PCDHA6: variants seen among roughly 807,000 people sequenced by gnomAD.
PCDHA6 encodes the protein protocadherin alpha-6.
In PCDHA6, 55 loss-of-function variants were observed where a neutral mutation model predicts 60.3. The observed-to-expected ratio is 0.91, with a 90% CI of 0.73 to 1.14. The LOEUF is 1.14. PCDHA6 is among the 50% of genes most tolerant of loss of function. The pLI, the probability that PCDHA6 is intolerant of heterozygous loss-of-function variation, is 0.00. For missense variants in PCDHA6, 1,327 were observed against 1,256.5 expected (o/e 1.06, Z -0.85); for synonymous variants, 652 against 557.9 (o/e 1.17, Z -2.38).
rs1554168216 is a variant in PCDHA6, at chr5:140,876,040, A to G, written c.2394+45555A>G. 2 of 1,613,752 alleles carry G rather than the reference A, an allele frequency of 1.2e-6. No homozygotes were observed. Among genetic ancestry groups the G allele is most frequent in the African/African-American group, 1.3e-5 (1 of 74,922 alleles). ...AATAAAAACAAAAAAAGATAAAAGT[A>G]TATTGCCTGAATTAGTTCTTCGGAA... On this transcript the variant is annotated intron_variant, in intron 1 of 3. Coordinates refer to ENST00000529310, the MANE Select transcript of PCDHA6 (RefSeq NM_018909.4).
intron 1 of PCDHA6, among the ~76,000 whole-genome samples, chr5:140,892,939 C>G (rs1583111138): frequency 6.6e-6 from 1 of 152,188 alleles, no homozygotes; most frequent in Non-Finnish European, 1.5e-5. Context: ...CTGATAAGCA[C>G]AATACTACTT....
At chr5:140,864,008 A>G (rs1481887604) in intron 1 of PCDHA6, 3 of 153,088 alleles carry the variant, frequency 2.0e-5, no homozygotes, top group African/African-American at 7.2e-5. Flanking sequence ...CTTAAAAAAA[A>G]AAGTACATTG....
chr5:140,870,207 T>G, intron 1 of PCDHA6: 1 of 1,614,156 alleles, frequency 6.2e-7, no homozygotes, highest in Non-Finnish European at 8.5e-7. Flanking sequence ...GCACGGTCAT[T>G]GCCCTGATCA....
chr5:140,952,798 G>T (rs1554220633), intron 1 of PCDHA6, among the ~76,000 whole-genome samples: 1 of 152,138 alleles, frequency 6.6e-6, no homozygotes, highest in African/African-American at 2.4e-5. Flanking sequence ...TAACTGGCTC[G>T]CAGTTCTGCA....
intron 1 of PCDHA6, among the ~76,000 whole-genome samples, chr5:140,920,082 C>T (rs567545861): frequency 2.0e-5 from 3 of 152,248 alleles, no homozygotes; most frequent in East Asian, 1.9e-4. Context: ...ACAGATTCTC[C>T]GTAGAGCCTC....
intron 1 of PCDHA6, among the ~76,000 whole-genome samples, chr5:140,947,310 A>G (rs1554218156): frequency 6.6e-6 from 1 of 151,620 alleles, no homozygotes; most frequent in Admixed American, 6.6e-5. Flanking sequence ...ATCTTTGTAA[A>G]AAGTCGGTTG....
At chr5:140,910,408 G>A (rs1165160124) in intron 1 of PCDHA6, among the ~76,000 whole-genome samples, 2 of 152,106 alleles carry the variant, frequency 1.3e-5, no homozygotes, top group African/African-American at 2.4e-5. Flanking sequence ...CTGCCACCTC[G>A]AGATCCAATT....
At chr5:140,972,983 AGATTCTGTGCATTTGT>A (rs1169514447) in intron 1 of PCDHA6, among the ~76,000 whole-genome samples, 1 of 152,102 alleles carries the variant, frequency 6.6e-6, no homozygotes, top group Admixed American at 6.6e-5. Flanking sequence ...ATCTTAAGGT[AGATTCTGTGCATTTGT>A]GGTCGTGGTG....
At position 140,990,592 on chromosome 5, in the gene PCDHA6, C is replaced by T. The variant is rs150978794; in HGVS notation, c.2542+8029C>T. On this transcript the variant is annotated intron_variant, in intron 3 of 3. Coordinates refer to ENST00000529310, the MANE Select transcript of PCDHA6 (RefSeq NM_018909.4). ...GTTCGATCTCTTTTCCTATAATCAC[C>T]TGGAGTCAGATGAATACCGTAAAGG... 2.7e-3 allele frequency among the ~76,000 whole-genome samples: 412 copies of T among 152,286 alleles called. 2 individuals are homozygous for T. Among genetic ancestry groups the T allele is most frequent in the African/African-American group, 9.5e-3 (395 of 41,556 alleles).
intron 1 of PCDHA6, among the ~76,000 whole-genome samples, chr5:140,908,279 G>T (rs2073895272): frequency 6.6e-6 from 1 of 151,782 alleles, no homozygotes; most frequent in South Asian, 2.1e-4. Flanking sequence ...TGAGGCCATT[G>T]TTGCAAGCTG....
chr5:140,941,251 CTTTCTCTT>C (rs1456097006), intron 1 of PCDHA6, among the ~76,000 whole-genome samples: 2 of 121,786 alleles, frequency 1.6e-5, no homozygotes, highest in Non-Finnish European at 3.5e-5. Context: ...TTCTTTCTTT[CTTTCTCTT>C]TCTTTCTTTC....
rs186179297 is a variant in PCDHA6, at chr5:140,987,139, G to A, written c.2542+4576G>A. Among the ~76,000 whole-genome samples the A allele has an allele frequency of 5.1e-4, 78 of 151,932 alleles. 3 individuals are homozygous for A. The East Asian group carries it at 0.014, about 28-fold the overall frequency. On this transcript the variant is annotated intron_variant, in intron 3 of 3. Transcript: ENST00000529310. The stretch of plus-strand genomic sequence containing the variant: ...TGAGGCAGGAGAATTGCTTGAACTC[G>A]GGAGGTGGAGGTTGCAGTGAGCTGA...
intron 1 of PCDHA6, chr5:140,856,704 C>CAGT (rs2150363917): frequency 6.3e-7 from 1 of 1,596,654 alleles, no homozygotes; most frequent in East Asian, 2.2e-5. Flanking sequence ...GGAGGCAAAC[C>CAGT]TGAATTTACC....
chr5:140,858,114 T>C, intron 1 of PCDHA6: 1 of 1,597,256 alleles, frequency 6.3e-7, no homozygotes, highest in Non-Finnish European at 8.6e-7. Flanking sequence ...GCGCCCGAGG[T>C]GGCCCTGGTG....
intron 1 of PCDHA6, chr5:140,835,863 C>A (rs1214782595): frequency 1.2e-6 from 2 of 1,611,982 alleles, no homozygotes; most frequent in East Asian, 2.2e-5. Flanking sequence ...GTCCTACTCG[C>A]TGGTGGAGCT....
At chr5:140,926,789 G>A in intron 1 of PCDHA6, 1 of 1,432,318 alleles carries the variant, frequency 7.0e-7, no homozygotes, top group East Asian at 2.5e-5. Flanking sequence ...CGGCCGGCAG[G>A]AGCGTGCTCT....
chr5:140,848,195 C>T lies in PCDHA6; in HGVS notation c.2394+17710C>T, dbSNP rs2150407031. ...GCAAGAGAAACGGGATCTTCTGTTT[C>T]AACAATCATTACTTAAGAAAAAATT... On this transcript the variant is annotated intron_variant, in intron 1 of 3. Transcript: ENST00000529310. 38 of 306,006 alleles carry T rather than the reference C, an allele frequency of 1.2e-4. 1 individual carries two copies. Among genetic ancestry groups the T allele is most frequent in the Admixed American group, 5.2e-4 (11 of 21,218 alleles). 19.0% of individuals were successfully genotyped at this position (306,006 alleles called of 1,614,324 possible).
intron 1 of PCDHA6, among the ~76,000 whole-genome samples, chr5:140,932,462 A>G (rs549858141): frequency 6.6e-6 from 1 of 152,022 alleles, no homozygotes; most frequent in African/African-American, 2.4e-5. Flanking sequence ...GCCAGGGTAT[A>G]TAGGAAATAG....
intron 3 of PCDHA6, among the ~76,000 whole-genome samples, chr5:140,983,386 A>G (rs1426409765): frequency 2.6e-5 from 4 of 152,216 alleles, no homozygotes. Context: ...TCGCTGTGGC[A>G]GTTTTCAGAA....
Sources: gnomAD v4.1 joint callset for allele counts (sites outside exome capture counted in the v4.1 genomes callset) on GRCh38, gnomAD v4.1.1 for gene constraint, MANE v1.5 for transcripts, NCBI Gene and HGNC (gene_info 2026-07-23, HGNC 2026-07-21) for gene names.